Variants in SLC37A1 observed in about 807,000 individuals in gnomAD.
SLC37A1 encodes glucose-6-phosphate exchanger SLC37A1.
In SLC37A1, 49 loss-of-function variants were observed where a neutral mutation model predicts 75.3. The observed-to-expected ratio is 0.65, with a 90% CI of 0.52 to 0.83. SLC37A1 has a LOEUF of 0.83. Among genes scored for constraint, SLC37A1 ranks in the 40% least tolerant of loss-of-function variants. The pLI, the probability that SLC37A1 is intolerant of heterozygous loss-of-function variation, is 0.00. For synonymous variants in SLC37A1, 268 were observed against 292.1 expected (o/e 0.92, Z 0.84); for missense variants, 566 against 695.0 (o/e 0.81, Z 2.09).
chr21:42,573,421 G>C (rs2056234711), intron 17 of SLC37A1, among the ~76,000 whole-genome samples: 2 of 152,272 alleles, frequency 1.3e-5, no homozygotes, highest in Middle Eastern at 3.4e-3. Flanking sequence ...AGGATGCTCA[G>C]TGGAGCAGGG....
chr21:42,524,085 G>A (rs574918336), intron 2 of SLC37A1, among the ~76,000 whole-genome samples: 5 of 152,164 alleles, frequency 3.3e-5, no homozygotes, highest in African/African-American at 7.2e-5. Context: ...AGGGACTCTC[G>A]GAAACGCTGC....
At chr21:42,565,287 TATC>T (rs2055947706) in intron 14 of SLC37A1, among the ~76,000 whole-genome samples, 1 of 152,262 alleles carries the variant, frequency 6.6e-6, no homozygotes, top group African/African-American at 2.4e-5. Context: ...TTACTGTTTT[TATC>T]ATCGTAACAT....
chr21:42,569,507 C>T (rs752584189), intron 17 of SLC37A1, among the ~76,000 whole-genome samples: 2 of 18,870 alleles, frequency 1.1e-4, no homozygotes, highest in African/African-American at 5.3e-4. Context: ...TCCCTCGTGC[C>T]GCACTCCCTC....
chr21:42,539,514 G>C lies in SLC37A1; in HGVS notation c.353G>C (p.Gly118Ala). 1 of 1,610,956 alleles carries C rather than the reference G, an allele frequency of 6.2e-7. No individual in the cohort carries two copies. The highest frequency in any genetic ancestry group is 8.5e-7 in the Non-Finnish European group (1 of 1,178,772). ...CAYAVGMYLS[G>A]IIGERLPIRY... ...GTCTTTCCTTCTCTCCACCTCAGTG[G>C]CATCATTGGGGAGCGCCTGCCGATT... Residue 118 changes from glycine (G) to alanine (A), a missense_variant and splice_region_variant, in exon 6 of 20, where the codon GGC becomes GCC. Coordinates refer to ENST00000352133, the MANE Select transcript of SLC37A1 (RefSeq NM_001320537.2).
chr21:42,573,262 G>A (rs1206687632), intron 17 of SLC37A1, among the ~76,000 whole-genome samples: 1 of 152,192 alleles, frequency 6.6e-6, no homozygotes, highest in African/African-American at 2.4e-5. Context: ...AACAGTTTGT[G>A]ATAAAAGACT....
chr21:42,565,268 T>C (rs992430049), intron 14 of SLC37A1, among the ~76,000 whole-genome samples: 1 of 152,244 alleles, frequency 6.6e-6, no homozygotes, highest in Non-Finnish European at 1.5e-5. Flanking sequence ...TTAGAAACAA[T>C]GCACATGGTT....
chr21:42,520,336 C>T (rs1021050297), intron 2 of SLC37A1, among the ~76,000 whole-genome samples: 3 of 152,124 alleles, frequency 2.0e-5, no homozygotes, highest in African/African-American at 7.2e-5. Flanking sequence ...TCTTTTCTGA[C>T]CTTGGCTTTT....
At position 42,579,756 on chromosome 21, in the gene SLC37A1, C is replaced by T. The variant is rs1322125750; in HGVS notation, c.1542C>T (p.His514=). 1.2e-6 allele frequency: 2 copies of T among 1,614,066 alleles called. No homozygotes were observed. Among genetic ancestry groups the T allele is most frequent in the Non-Finnish European group, 1.7e-6 (2 of 1,180,040 alleles). The change falls in exon 19 of 20, where the codon CAC becomes CAT. Residue 514 remains histidine (H), a synonymous_variant. Coordinates refer to ENST00000352133, the MANE Select transcript of SLC37A1 (RefSeq NM_001320537.2). ...TGCAGTTCCTGATCCGCCTCATACA[C>T]AAGGAGCTGAGCTGCCCAGGGTCAG... The part of the protein sequence containing the change: ...CALLFLIRLI[H]KELSCPGSAT...
intron 10 of SLC37A1, 40 bp from the exon 11 acceptor site, chr21:42,558,918 T>TAAC: frequency 4.3e-6 from 7 of 1,612,384 alleles, no homozygotes; most frequent in Non-Finnish European, 5.9e-6. Flanking sequence ...GCCCGGCTGG[T>TAAC]AACACCTTTC....
intron 6 of SLC37A1, among the ~76,000 whole-genome samples, chr21:42,540,183 G>T (rs1465228666): frequency 6.6e-6 from 1 of 152,246 alleles, no homozygotes; most frequent in Non-Finnish European, 1.5e-5. Context: ...GGGCTGCAGT[G>T]TATGGTCGCA....
intron 15 of SLC37A1, among the ~76,000 whole-genome samples, chr21:42,566,266 G>T (rs2055975097): frequency 6.6e-6 from 1 of 152,238 alleles, no homozygotes; most frequent in Non-Finnish European, 1.5e-5. Context: ...GAGCAGCTCA[G>T]GCTGGCTCTT....
chr21:42,559,039 GGT>G lies in SLC37A1; in HGVS notation c.933_934del (p.Gly312GlufsTer49). 6.2e-7 allele frequency: 1 copy of G among 1,613,674 alleles called. No homozygotes were observed. The highest frequency in any genetic ancestry group is 8.5e-7 in the Non-Finnish European group (1 of 1,179,866). ...CCACGTCGTCATTCTCCCCGGGGACGGTGGGAGTGGCACGGCCGCCATCAGCT... is the reference window on the plus strand; with the variant it reads ...CCACGTCGTCATTCTCCCCGGGGACGGGGAGTGGCACGGCCGCCATCAGCT... ...PNHVVILPGD[G>X]GSGTAAISFT... On this transcript the variant is annotated frameshift_variant, in exon 11 of 20. Coordinates refer to ENST00000352133, the MANE Select transcript of SLC37A1 (RefSeq NM_001320537.2). LOFTEE classifies it high-confidence loss of function.
rs1487303220 is a variant in SLC37A1, at chr21:42,558,960, C to T, written c.852C>T (p.Asp284=). 1 of 1,613,898 alleles carries T rather than the reference C, an allele frequency of 6.2e-7. No individual in the cohort carries two copies. The highest frequency in any genetic ancestry group is 1.7e-5 in the Admixed American group (1 of 59,986). The change falls in exon 11 of 20, where the codon GAC becomes GAT. Residue 284 remains aspartate, a splice_region_variant and synonymous_variant. Coordinates refer to ENST00000352133, the MANE Select transcript of SLC37A1 (RefSeq NM_001320537.2). ...GTTCCCAATGGATTTGCCTCCAGGA[C>T]CCAGAGATGCAGTGCCTGCTGCTCT... The part of the protein sequence containing the change: ...ILKSEKNKPL[D]PEMQCLLLSD...
Position 42,563,875 on chromosome 21 carries a change from T to TAA in SLC37A1, c.1133_1134insAA (p.Phe378LeufsTer9). 6.2e-7 allele frequency: 1 copy of TAA among 1,614,168 alleles called. No individual in the cohort carries two copies. Among genetic ancestry groups the TAA allele is most frequent in the Non-Finnish European group, 8.5e-7 (1 of 1,180,018 alleles). On this transcript the variant is annotated frameshift_variant and splice_region_variant, in exon 13 of 20. Coordinates refer to ENST00000352133, the MANE Select transcript of SLC37A1 (RefSeq NM_001320537.2). LOFTEE classifies it high-confidence loss of function. ...ACCCTGTTTGACGTGGGCGGAATCT[T>TAA]TGGTGAGTTCATTAAGACTTGTTCT... is the stretch of plus-strand genomic sequence containing the variant.
At chr21:42,533,563 A>T (rs1242750031) in intron 3 of SLC37A1, among the ~76,000 whole-genome samples, 3 of 151,650 alleles carry the variant, frequency 2.0e-5, no homozygotes, top group Admixed American at 1.3e-4. Flanking sequence ...GAGCCCACTT[A>T]GGCCCCTCTG....
chr21:42,541,565 T>C (rs547551937), intron 6 of SLC37A1, among the ~76,000 whole-genome samples: 1 of 152,332 alleles, frequency 6.6e-6, no homozygotes, highest in East Asian at 1.9e-4. Flanking sequence ...TCTTCAAAAG[T>C]GCAGAGATAC....
At chr21:42,530,354 A>G (rs1046082669) in intron 3 of SLC37A1, among the ~76,000 whole-genome samples, 5 of 152,098 alleles carry the variant, frequency 3.3e-5, no homozygotes, top group Non-Finnish European at 5.9e-5. Context: ...TTCACGTGGC[A>G]CCTGTGACTC....
At chr21:42,510,544 T>G (rs2054423652), upstream of SLC37A1, among the ~76,000 whole-genome samples, 1 of 151,732 alleles carries the variant, frequency 6.6e-6, no homozygotes, top group Non-Finnish European at 1.5e-5. Flanking sequence ...TTAATGTAAA[T>G]GGATTAAATT....
intron 2 of SLC37A1, among the ~76,000 whole-genome samples, chr21:42,504,848 T>C (rs2054369906): frequency 6.6e-6 from 1 of 152,224 alleles, no homozygotes; most frequent in Non-Finnish European, 1.5e-5. Context: ...CTTATCTTAA[T>C]GAAGGGCCCA....
Sources: gnomAD v4.1 joint callset for allele counts (sites outside exome capture counted in the v4.1 genomes callset) on GRCh38, gnomAD v4.1.1 for gene constraint, MANE v1.5 for transcripts, NCBI Gene and HGNC (gene_info 2026-07-23, HGNC 2026-07-21) for gene names.